Variants in MDN1 observed in about 807,000 individuals in gnomAD.
The protein encoded by MDN1 is midasin.
In MDN1, 266 loss-of-function variants were observed where a neutral mutation model predicts 669.2. The ratio of observed to expected loss-of-function variants is 0.40; its 90% CI spans 0.36 to 0.44. MDN1 has a LOEUF of 0.44. Ranked by LOEUF, MDN1 falls within the 20% of genes least tolerant of loss-of-function variation. MDN1 has a pLI of 1.00. For missense variants in MDN1, 5,940 were observed against 6,754.0 expected (o/e 0.88, Z 4.22); for synonymous variants, 2,385 against 2,457.1 (o/e 0.97, Z 0.87).
chr6:89,726,197 A>G (rs2128314171), intron 37 of MDN1, among the ~76,000 whole-genome samples: 1 of 152,298 alleles, frequency 6.6e-6, no homozygotes, highest in South Asian at 2.1e-4. Context: ...GTGGTGGCTC[A>G]TGCCTGTAAT....
At chr6:89,780,061 T>C (rs1205779538) in intron 11 of MDN1, 151 bp downstream of exon 11, 18 of 510,266 alleles carry the variant, frequency 3.5e-5, no homozygotes, top group Non-Finnish European at 5.5e-5. Context: ...AGCGAGAGAC[T>C]TCGTCTCAAA....
intron 73 of MDN1, among the ~76,000 whole-genome samples, chr6:89,682,712 A>AC (rs1811712834): frequency 6.8e-6 from 1 of 146,050 alleles, no homozygotes; most frequent in African/African-American, 2.5e-5. Flanking sequence ...AAAAAAAAAA[A>AC]AAAAAAAAAA....
Position 89,740,254 on chromosome 6 carries a change from C to T in MDN1, c.4573G>A (p.Gly1525Ser), listed in dbSNP as rs990883053. ...TTTACCTCCTTTTTTCCAAAGTCAC[C>T]CCCAGGGTTCATGGTTGCTAGAATA... ...FRILATMNPG[G>S]DFGKKELSPA... The change falls in exon 32 of 102, where the codon GGT (glycine) becomes AGT (serine). Residue 1525 changes from glycine to serine, a missense_variant. Around this residue, in one of 5 missense-constraint regions of MDN1, gnomAD observed 2,292 missense variants for 2,638.3 expected, o/e 0.87. Transcript: ENST00000369393. 6 of 1,611,584 alleles carry T rather than the reference C, an allele frequency of 3.7e-6. No homozygotes were observed. Among genetic ancestry groups the T allele is most frequent in the Non-Finnish European group, 5.1e-6 (6 of 1,179,278 alleles).
At position 89,713,151 on chromosome 6, in the gene MDN1, C is replaced by T; in HGVS notation, c.7215G>A (p.Arg2405=). Residue 2405 remains arginine (R), a synonymous_variant, in exon 47 of 102, where the codon CGG becomes CGA. Coordinates refer to ENST00000369393, the MANE Select transcript of MDN1 (RefSeq NM_014611.3). ...ATTCTGCAATACTTCATAGTACCTT[C>T]CGGTTTGCTGGTGAATGCTGGGAAC... ...YVCSQHSPAN[R]KLVQALLEKH... 2.5e-6 allele frequency: 4 copies of T among 1,612,220 alleles called. No homozygotes were observed. The highest frequency in any genetic ancestry group is 3.4e-6 in the Non-Finnish European group (4 of 1,179,490).
chr6:89,789,944 A>G (rs377371207), intron 6 of MDN1, 33 bp from the exon 7 acceptor site: 2 of 1,605,294 alleles, frequency 1.2e-6, no homozygotes, highest in Non-Finnish European at 1.7e-6. Flanking sequence ...TTACTGAAAA[A>G]CCATACCTGT....
chr6:89,668,693 CA>C (rs1175555330), intron 83 of MDN1, among the ~76,000 whole-genome samples: 1 of 151,982 alleles, frequency 6.6e-6, no homozygotes, highest in African/African-American at 2.4e-5. Flanking sequence ...TGGGAATGCA[CA>C]AAAAAATAAG....
chr6:89,682,037 G>C (rs1266040994), intron 73 of MDN1, among the ~76,000 whole-genome samples: 1 of 152,180 alleles, frequency 6.6e-6, no homozygotes, highest in Non-Finnish European at 1.5e-5. Context: ...TTCTGTAACA[G>C]ACCTGCTAAC....
intron 23 of MDN1, 74 bp downstream of exon 23, chr6:89,751,357 G>A: frequency 6.4e-7 from 1 of 1,557,104 alleles, no homozygotes; most frequent in South Asian, 1.2e-5. Flanking sequence ...TGAAAGTTAA[G>A]GAAGTTAGAC....
intron 50 of MDN1, 42 bp downstream of exon 50, chr6:89,710,639 T>C: frequency 1.7e-6 from 2 of 1,187,032 alleles, no homozygotes; most frequent in Non-Finnish European, 2.3e-6. Flanking sequence ...AAAAGATAAG[T>C]TTCCAAAACA....
intron 92 of MDN1, among the ~76,000 whole-genome samples, chr6:89,655,385 A>G (rs1470729357): frequency 1.3e-5 from 2 of 152,192 alleles, no homozygotes; most frequent in Non-Finnish European, 2.9e-5. Context: ...AGAAATGTCC[A>G]GTACTAAGAA....
intron 37 of MDN1, among the ~76,000 whole-genome samples, chr6:89,727,194 C>A (rs1028962044): frequency 3.9e-5 from 6 of 152,112 alleles, no homozygotes; most frequent in African/African-American, 7.2e-5. Context: ...ATGATCAGAC[C>A]CAGGAGTCTG....
In MDN1 at chr6:89,662,785, G is replaced by A; in HGVS notation, c.14412+7C>T. 6.2e-7 allele frequency: 1 copy of A among 1,613,822 alleles called. No homozygotes were observed. Among genetic ancestry groups the A allele is most frequent in the South Asian group, 1.1e-5 (1 of 91,048 alleles). On this transcript the variant is annotated splice_region_variant and intron_variant, in intron 86 of 101. Transcript: ENST00000369393. ...CTTGTTTGGGAGGGGAGAAATCTTT[G>A]AATTACCTCATCCATTCCTGGTCCT...
chr6:89,771,108 C>T (rs1012026977), intron 15 of MDN1, among the ~76,000 whole-genome samples: 2 of 152,146 alleles, frequency 1.3e-5, no homozygotes, highest in African/African-American at 2.4e-5. Context: ...CCTGAGGAAA[C>T]TAAAATAAGC....
chr6:89,709,573 T>G (rs1367410665), intron 50 of MDN1, among the ~76,000 whole-genome samples: 3 of 152,252 alleles, frequency 2.0e-5, no homozygotes, highest in Admixed American at 2.0e-4. Flanking sequence ...ATTGTTTGAT[T>G]TCTTCCCATT....
intron 50 of MDN1, among the ~76,000 whole-genome samples, chr6:89,710,013 C>A (rs7765140): frequency 0.85 from 128,731 of 152,106 alleles, 54,634 homozygotes; most frequent in East Asian, 1. Flanking sequence ...CAATCCTCCT[C>A]TCTCAACCTC....
At chr6:89,816,335 G>GAT (rs1379798638) in intron 1 of MDN1, among the ~76,000 whole-genome samples, 1 of 152,112 alleles carries the variant, frequency 6.6e-6, no homozygotes, top group Non-Finnish European at 1.5e-5. Flanking sequence ...AGGGGGCAGA[G>GAT]GTTGCAGTGA....
Position 89,656,051 on chromosome 6 carries a change from G to T in MDN1, c.15286-83C>A, listed in dbSNP as rs550393600. 18 of 1,217,810 alleles carry T rather than the reference G, an allele frequency of 1.5e-5. No homozygotes were observed. The South Asian group carries it at 2.3e-4, about 16-fold the overall frequency. The allele number at this position is 1,217,810 out of a possible 1,614,324, so 75.4% of individuals were successfully genotyped here. ...GTAAACATAATATCCATCTATAGGG[G>T]ACAGGATAAGTAAATCAGGTGTAGC... On this transcript the variant is annotated intron_variant, in intron 91 of 101. Coordinates refer to ENST00000369393, the MANE Select transcript of MDN1 (RefSeq NM_014611.3).
At position 89,674,194 on chromosome 6, in the gene MDN1, C is replaced by G. The variant is rs765544770; in HGVS notation, c.13157G>C (p.Arg4386Thr). 4 of 1,614,124 alleles carry G rather than the reference C, an allele frequency of 2.5e-6. No individual in the cohort carries two copies. In the East Asian group the frequency reaches 6.7e-5, roughly 27 times the overall value. The part of the protein sequence containing the change: ...QDHLWQQSTT[R>T]LTEMLKTIKT... Reference sequence around the variant, plus strand: ...AATGGTTTTTAGCATCTCTGTTAATCTCGTAGTTGACTGTTGCCAAAGGTG... The same window carrying G: ...AATGGTTTTTAGCATCTCTGTTAATGTCGTAGTTGACTGTTGCCAAAGGTG... The change falls in exon 79 of 102, where the codon AGA becomes ACA. Residue 4386 changes from arginine to threonine, a missense_variant. Transcript: ENST00000369393.
At chr6:89,710,266 TACCAA>T (rs1813801344) in intron 50 of MDN1, among the ~76,000 whole-genome samples, 1 of 152,128 alleles carries the variant, frequency 6.6e-6, no homozygotes, top group Non-Finnish European at 1.5e-5. Flanking sequence ...GCCAAAAATC[TACCAA>T]GCCAGTTTGT....
Sources: gnomAD v4.1 joint callset for allele counts (sites outside exome capture counted in the v4.1 genomes callset) on GRCh38, gnomAD v4.1.1 for gene constraint, gnomAD v4.1.1 regional missense constraint, MANE v1.5 for transcripts, NCBI Gene and HGNC (gene_info 2026-07-23, HGNC 2026-07-21) for gene names.